Variants in PAPPA2 observed in about 807,000 individuals in gnomAD.
PAPPA2 encodes pappalysin-2.
In PAPPA2, 86 loss-of-function variants were observed where a neutral mutation model predicts 176.4. That is an observed-to-expected ratio of 0.49 (90% CI 0.41 to 0.58). The LOEUF (loss-of-function observed/expected upper bound fraction) is 0.58, where lower values mean the gene tolerates loss of function less well. PAPPA2 is among the 20% of genes least tolerant of loss of function. The pLI is 0.00. For missense variants in PAPPA2, 2,073 were observed against 2,256.9 expected (o/e 0.92, Z 1.65); for synonymous variants, 809 against 852.2 (o/e 0.95, Z 0.88).
chr1:176,833,867 T>C (rs1448763708), intron 21 of PAPPA2, among the ~76,000 whole-genome samples: 1 of 151,420 alleles, frequency 6.6e-6, no homozygotes. Flanking sequence ...TATATATATA[T>C]ATGATTTATT....
At chr1:176,767,380 C>A (rs1000306840) in intron 15 of PAPPA2, among the ~76,000 whole-genome samples, 6 of 152,148 alleles carry the variant, frequency 3.9e-5, no homozygotes, top group African/African-American at 1.4e-4. Flanking sequence ...CGCTCTGTCG[C>A]CCAGGCTGGA....
At chr1:176,720,753 G>A (rs188685339) in intron 12 of PAPPA2, among the ~76,000 whole-genome samples, 2 of 152,150 alleles carry the variant, frequency 1.3e-5, no homozygotes, top group East Asian at 3.9e-4. Flanking sequence ...GGGAGACCTG[G>A]GATGCTGGTA....
intron 3 of PAPPA2, among the ~76,000 whole-genome samples, chr1:176,605,812 G>C (rs887218973): frequency 5.3e-5 from 8 of 152,170 alleles, no homozygotes; most frequent in Admixed American, 1.3e-4. Context: ...TCTCTCAGCT[G>C]ATGTCAACCC....
chr1:176,780,084 G>T (rs572421277), intron 17 of PAPPA2, among the ~76,000 whole-genome samples: 1 of 152,250 alleles, frequency 6.6e-6, no homozygotes, highest in Non-Finnish European at 1.5e-5. Flanking sequence ...TCTTATCATT[G>T]CTATGGCTTC....
At chr1:176,690,629 C>T (rs1660074627) in intron 5 of PAPPA2, 199 bp downstream of exon 5, 1 of 1,378,342 alleles carries the variant, frequency 7.3e-7, no homozygotes, top group African/African-American at 1.5e-5. Flanking sequence ...TATTAAGGTA[C>T]TTTGTTCACT....
At position 176,734,092 on chromosome 1, in the gene PAPPA2, G is replaced by A. The variant is rs190978408; in HGVS notation, c.3799-5534G>A. Among the ~76,000 whole-genome samples the A allele has an allele frequency of 1.3e-3, 191 of 152,188 alleles. 1 individual carries two copies. Among genetic ancestry groups the A allele is most frequent in the South Asian group, 3.9e-3 (19 of 4,814 alleles). The stretch of plus-strand genomic sequence containing the variant: ...GCTGAATGCCAGAGTCATGAAAGAG[G>A]GGATGCAGCTGACACATCACAGTAT... On this transcript the variant is annotated intron_variant, in intron 12 of 22. Transcript: ENST00000367662.
At chr1:176,701,205 G>A (rs1181260903) in intron 8 of PAPPA2, among the ~76,000 whole-genome samples, 2 of 152,106 alleles carry the variant, frequency 1.3e-5, no homozygotes, top group Admixed American at 6.5e-5. Context: ...TCTCATTTTG[G>A]TCCTCTTGCT....
chr1:176,730,286 A>C (rs1213422035), intron 12 of PAPPA2, among the ~76,000 whole-genome samples: 1 of 151,828 alleles, frequency 6.6e-6, no homozygotes, highest in Non-Finnish European at 1.5e-5. Context: ...TGTCACTTAA[A>C]TTTATTTGAT....
At chr1:176,589,733 C>G (rs1239656741) in intron 2 of PAPPA2, among the ~76,000 whole-genome samples, 1 of 152,200 alleles carries the variant, frequency 6.6e-6, no homozygotes, top group Non-Finnish European at 1.5e-5. Context: ...ACAGTTATAA[C>G]ATGTTTGTTT....
chr1:176,614,922 T>C (rs1187735324), intron 3 of PAPPA2, among the ~76,000 whole-genome samples: 1 of 152,076 alleles, frequency 6.6e-6, no homozygotes, highest in Non-Finnish European at 1.5e-5. Flanking sequence ...TATCAGTTCA[T>C]GAGCAGAAAC....
chr1:176,467,618 A>G (rs150247296), intron 1 of PAPPA2, among the ~76,000 whole-genome samples: 3,001 of 152,288 alleles, frequency 0.02, 47 homozygotes, highest in Admixed American at 0.041. Context: ...GCCAGGTGCT[A>G]GTGACTATAA....
At chr1:176,480,270 T>C (rs1246798148) in intron 1 of PAPPA2, among the ~76,000 whole-genome samples, 1 of 152,190 alleles carries the variant, frequency 6.6e-6, no homozygotes, top group Non-Finnish European at 1.5e-5. Flanking sequence ...CCCCAGCTCC[T>C]GGGGCACCCG....
At chr1:176,795,834 T>C (rs1370027380) in intron 20 of PAPPA2, among the ~76,000 whole-genome samples, 1 of 152,234 alleles carries the variant, frequency 6.6e-6, no homozygotes, top group Non-Finnish European at 1.5e-5. Context: ...TAACACTATA[T>C]GAAATCTCTC....
At chr1:176,637,444 A>G (rs1289405890) in intron 3 of PAPPA2, among the ~76,000 whole-genome samples, 1 of 152,114 alleles carries the variant, frequency 6.6e-6, no homozygotes, top group Admixed American at 6.6e-5. Context: ...TAGCTTCCCC[A>G]TTGCTTACTT....
intron 3 of PAPPA2, among the ~76,000 whole-genome samples, chr1:176,603,238 T>C (rs1005554825): frequency 1.3e-5 from 2 of 152,284 alleles, no homozygotes; most frequent in African/African-American, 4.8e-5. Flanking sequence ...CTGTTTCAGA[T>C]GATTTCACTT....
intron 1 of PAPPA2, among the ~76,000 whole-genome samples, chr1:176,533,237 G>A (rs892878597): frequency 6.6e-5 from 10 of 152,210 alleles, no homozygotes; most frequent in Non-Finnish European, 2.9e-5. Context: ...TCAATCCAAA[G>A]GTGTGAGTCA....
chr1:176,532,917 C>T (rs1353425407), intron 1 of PAPPA2, among the ~76,000 whole-genome samples: 1 of 152,208 alleles, frequency 6.6e-6, no homozygotes. Flanking sequence ...CACTAGGCTT[C>T]CAGCCCCCCT....
At chr1:176,681,689 C>T (rs10753135) in intron 4 of PAPPA2, among the ~76,000 whole-genome samples, 76,181 of 152,040 alleles carry the variant, frequency 0.5, 21,202 homozygotes, top group African/African-American at 0.74. Flanking sequence ...TTCAGCCTCA[C>T]ACCACATCTC....
intron 1 of PAPPA2, among the ~76,000 whole-genome samples, chr1:176,480,420 A>G (rs1409546927): frequency 6.6e-6 from 1 of 152,100 alleles, no homozygotes; most frequent in African/African-American, 2.4e-5. Context: ...ACATCAGGAA[A>G]CCACCATCCT....
Sources: gnomAD v4.1 joint callset for allele counts (sites outside exome capture counted in the v4.1 genomes callset) on GRCh38, gnomAD v4.1.1 for gene constraint, MANE v1.5 for transcripts, NCBI Gene and HGNC (gene_info 2026-07-23, HGNC 2026-07-21) for gene names.